ZMAT4: variants seen among roughly 807,000 people sequenced by gnomAD.
The protein encoded by ZMAT4 is zinc finger matrin-type 4.
ZMAT4 carries 17 observed loss-of-function variants against 28.7 expected under a neutral mutation model. The observed-to-expected ratio is 0.59, with a 90% CI of 0.41 to 0.89. ZMAT4 has a LOEUF of 0.89. Ranked by LOEUF, ZMAT4 falls within the 40% of genes least tolerant of loss-of-function variation. The pLI is 0.00. For missense variants in ZMAT4, 240 were observed against 283.8 expected (o/e 0.85, Z 1.11); for synonymous variants, 117 against 109.2 (o/e 1.07, Z -0.44).
At chr8:40,869,523 AAAG>A (rs750353738) in intron 1 of ZMAT4, among the ~76,000 whole-genome samples, 3 of 152,240 alleles carry the variant, frequency 2.0e-5, no homozygotes, top group Admixed American at 6.5e-5. Context: ...ATTATCTAGA[AAAG>A]AAGAATAAGA....
chr8:40,598,748 T>C (rs1257815293), intron 5 of ZMAT4, among the ~76,000 whole-genome samples: 1 of 152,094 alleles, frequency 6.6e-6, no homozygotes, highest in Non-Finnish European at 1.5e-5. Context: ...CATAAGAAAA[T>C]AAATAAAATA....
At chr8:40,773,542 G>A (rs188487623) in intron 2 of ZMAT4, among the ~76,000 whole-genome samples, 111 of 151,618 alleles carry the variant, frequency 7.3e-4, no homozygotes, top group South Asian at 2.1e-3. Context: ...TATGAAAGAA[G>A]GTTTTGAGAA....
intron 1 of ZMAT4, among the ~76,000 whole-genome samples, chr8:40,858,136 T>C (rs1817361508): frequency 6.6e-6 from 1 of 152,184 alleles, no homozygotes; most frequent in Non-Finnish European, 1.5e-5. Flanking sequence ...TTTTATCGTA[T>C]GCTTTAAAAT....
At chr8:40,805,706 G>A (rs913455298) in intron 2 of ZMAT4, among the ~76,000 whole-genome samples, 10 of 146,294 alleles carry the variant, frequency 6.8e-5, no homozygotes, top group Admixed American at 2.1e-4. Context: ...ACCAAACACC[G>A]CATATTCTCA....
intron 6 of ZMAT4, among the ~76,000 whole-genome samples, chr8:40,571,984 G>A (rs762140741): frequency 9.2e-5 from 14 of 152,076 alleles, no homozygotes; most frequent in Non-Finnish European, 1.6e-4. Context: ...ATTCTACAAA[G>A]AATATTAATA....
chr8:40,687,064 C>G lies in ZMAT4; in HGVS notation c.349+10181G>C, dbSNP rs546129296. ...GGTCGTAAGTTTGCTGACACTCCAG[C>G]AGTCAGAGATTCCTTCAAAGCTATC... is the stretch of plus-strand genomic sequence containing the variant. On this transcript the variant is annotated intron_variant, in intron 4 of 6. Transcript: ENST00000297737. Among the ~76,000 whole-genome samples the G allele has an allele frequency of 7.6e-4, 116 of 152,222 alleles. 1 individual carries two copies. The highest frequency in any genetic ancestry group is 2.5e-3 in the South Asian group (12 of 4,826).
At chr8:40,841,815 A>G (rs1816710799) in intron 1 of ZMAT4, among the ~76,000 whole-genome samples, 1 of 152,110 alleles carries the variant, frequency 6.6e-6, no homozygotes, top group Non-Finnish European at 1.5e-5. Context: ...TCCCAGTAGA[A>G]CTCCCTGTTT....
At chr8:40,713,444 GA>G (rs199972969) in intron 3 of ZMAT4, among the ~76,000 whole-genome samples, 22 of 139,022 alleles carry the variant, frequency 1.6e-4, no homozygotes, top group South Asian at 9.1e-4. Context: ...GGTAATGGTA[GA>G]AAAAAAAAAC....
intron 3 of ZMAT4, among the ~76,000 whole-genome samples, chr8:40,721,734 G>T (rs1811105873): frequency 6.6e-6 from 1 of 151,948 alleles, no homozygotes; most frequent in African/African-American, 2.4e-5. Flanking sequence ...GGCCAGTGAT[G>T]ATGAGCATTT....
chr8:40,720,238 T>A (rs774091356), intron 3 of ZMAT4, among the ~76,000 whole-genome samples: 4 of 152,206 alleles, frequency 2.6e-5, no homozygotes, highest in Non-Finnish European at 5.9e-5. Context: ...TCACTATTGA[T>A]CTTATTAACC....
In ZMAT4 at chr8:40,711,557, C is replaced by T. The variant is rs1450230135; in HGVS notation, c.193-14156G>A. On this transcript the variant is annotated intron_variant, in intron 3 of 6. Coordinates refer to ENST00000297737, the MANE Select transcript of ZMAT4 (RefSeq NM_024645.3). The stretch of plus-strand genomic sequence containing the variant: ...TGAATGGGGATCACAAGTACACAAT[C>T]AGCAAAACCTATACTTTAGAAAACT... 2.6e-5 allele frequency among the ~76,000 whole-genome samples: 4 copies of T among 152,310 alleles called. No individual in the cohort carries two copies. In the East Asian group the frequency reaches 7.7e-4, roughly 29 times the overall value.
chr8:40,753,513 G>T (rs901228185), intron 3 of ZMAT4, among the ~76,000 whole-genome samples: 1 of 151,968 alleles, frequency 6.6e-6, no homozygotes, highest in Non-Finnish European at 1.5e-5. Flanking sequence ...ATATTTGTAC[G>T]ATTTTTAAAA....
At chr8:40,820,932 A>G (rs990493665) in intron 2 of ZMAT4, among the ~76,000 whole-genome samples, 2 of 6,640 alleles carry the variant, frequency 3.0e-4, no homozygotes, top group Admixed American at 2.6e-3. Flanking sequence ...TGTGTGTAGG[A>G]AGTGGGGGGC....
At chr8:40,710,404 GC>G (rs1810556599) in intron 3 of ZMAT4, among the ~76,000 whole-genome samples, 2 of 152,096 alleles carry the variant, frequency 1.3e-5, no homozygotes, top group African/African-American at 4.8e-5. Flanking sequence ...TGAGCAGATG[GC>G]ATACAGGCGA....
chr8:40,586,374 G>A (rs932909359), intron 5 of ZMAT4, among the ~76,000 whole-genome samples: 2 of 152,144 alleles, frequency 1.3e-5, no homozygotes, highest in Non-Finnish European at 2.9e-5. Context: ...TGCCTAATAT[G>A]TGTTAGAAAA....
At chr8:40,601,218 A>G (rs956426015) in intron 5 of ZMAT4, among the ~76,000 whole-genome samples, 10 of 151,996 alleles carry the variant, frequency 6.6e-5, no homozygotes, top group African/African-American at 2.4e-4. Context: ...AAAGTCCAGT[A>G]TGTGTCTTTG....
At chr8:40,713,324 C>T (rs919773547) in intron 3 of ZMAT4, among the ~76,000 whole-genome samples, 1 of 151,952 alleles carries the variant, frequency 6.6e-6, no homozygotes, top group Admixed American at 6.6e-5. Context: ...ATGAGTTAAA[C>T]TTTTTAAGCC....
At chr8:40,635,081 C>T (rs1253519834) in intron 5 of ZMAT4, among the ~76,000 whole-genome samples, 1 of 152,126 alleles carries the variant, frequency 6.6e-6, no homozygotes, top group Non-Finnish European at 1.5e-5. Flanking sequence ...TATGAGTACA[C>T]TGTTCAACTA....
intron 1 of ZMAT4, among the ~76,000 whole-genome samples, chr8:40,834,342 G>A (rs1399509230): frequency 1.3e-5 from 2 of 152,024 alleles, no homozygotes; most frequent in Non-Finnish European, 2.9e-5. Context: ...TGTCTGCTTG[G>A]ACAAGTCTGA....
Sources: allele counts gnomAD v4.1 joint callset (sites outside exome capture counted in the v4.1 genomes callset), GRCh38; gene constraint gnomAD v4.1.1; transcripts MANE v1.5; gene names NCBI Gene and HGNC (gene_info 2026-07-23, HGNC 2026-07-21).